The following FHIT variants were observed in gnomAD, a reference collection of about 807,000 sequenced individuals.
FHIT encodes fragile histidine triad diadenosine triphosphatase.
A neutral mutation model predicts 17.9 loss-of-function variants in FHIT; 19 were observed. The observed-to-expected ratio is 1.06, with a 90% CI of 0.74 to 1.56. The LOEUF (loss-of-function observed/expected upper bound fraction) is 1.56, where lower values mean the gene tolerates loss of function less well. FHIT is among the 40% of genes most tolerant of loss of function. The pLI is 0.00. For missense variants in FHIT, 248 were observed against 189.2 expected (o/e 1.31, Z -1.82); for synonymous variants, 81 against 69.7 (o/e 1.16, Z -0.81).
At chr3:60,877,481 C>T (rs965410116) in intron 3 of FHIT, among the ~76,000 whole-genome samples, 10 of 152,200 alleles carry the variant, frequency 6.6e-5, no homozygotes, top group Admixed American at 2.6e-4. Flanking sequence ...TGCTTCTCTC[C>T]GCTGCAACTG....
chr3:61,098,033 G>A (rs944672446), intron 2 of FHIT, among the ~76,000 whole-genome samples: 3 of 152,134 alleles, frequency 2.0e-5, no homozygotes, highest in African/African-American at 7.2e-5. Context: ...CTGTTCCTAT[G>A]TCCTTAATGG....
At chr3:60,241,245 T>A (rs536583930) in intron 5 of FHIT, among the ~76,000 whole-genome samples, 1 of 152,260 alleles carries the variant, frequency 6.6e-6, no homozygotes, top group African/African-American at 2.4e-5. Context: ...GAATTATCAT[T>A]CTTTATTAGA....
At chr3:60,774,204 G>A (rs1553723884) in intron 4 of FHIT, among the ~76,000 whole-genome samples, 2 of 152,180 alleles carry the variant, frequency 1.3e-5, no homozygotes, top group African/African-American at 4.8e-5. Flanking sequence ...CAGGGAATAT[G>A]TTCCAAGAAT....
chr3:60,608,791 T>C (rs1326440947), intron 4 of FHIT, among the ~76,000 whole-genome samples: 1 of 152,158 alleles, frequency 6.6e-6, no homozygotes, highest in Non-Finnish European at 1.5e-5. Flanking sequence ...GTCAAAGTCA[T>C]GTAAAGAGAG....
At chr3:60,257,613 T>C (rs1706066394) in intron 5 of FHIT, among the ~76,000 whole-genome samples, 1 of 152,040 alleles carries the variant, frequency 6.6e-6, no homozygotes, top group Non-Finnish European at 1.5e-5. Flanking sequence ...TTCACTGAAG[T>C]AGGGGAGCAG....
At chr3:60,983,670 C>T (rs1358157037) in intron 3 of FHIT, among the ~76,000 whole-genome samples, 1 of 152,146 alleles carries the variant, frequency 6.6e-6, no homozygotes, top group Admixed American at 6.5e-5. Flanking sequence ...GGCAAGCATA[C>T]AGATCTGGAG....
At chr3:60,453,429 T>G (rs926170547) in intron 5 of FHIT, among the ~76,000 whole-genome samples, 1 of 152,168 alleles carries the variant, frequency 6.6e-6, no homozygotes, top group African/African-American at 2.4e-5. Flanking sequence ...ATTCATTCTT[T>G]CCAATGCTCC....
chr3:60,578,055 A>G (rs754691894), intron 4 of FHIT, among the ~76,000 whole-genome samples: 19 of 152,260 alleles, frequency 1.2e-4, no homozygotes, highest in Non-Finnish European at 2.1e-4. Context: ...AAAATCATCA[A>G]CTTGTCTTCC....
At chr3:59,818,723 G>A (rs758680055) in intron 8 of FHIT, among the ~76,000 whole-genome samples, 14 of 152,314 alleles carry the variant, frequency 9.2e-5, no homozygotes, top group Middle Eastern at 6.8e-3. Flanking sequence ...CCGACTGCCA[G>A]CTCTCCTGGA....
intron 5 of FHIT, among the ~76,000 whole-genome samples, chr3:60,498,514 C>A (rs1223665396): frequency 6.6e-6 from 1 of 152,152 alleles, no homozygotes; most frequent in Admixed American, 6.5e-5. Flanking sequence ...ATACTCCCAA[C>A]ACAAATAATA....
intron 5 of FHIT, among the ~76,000 whole-genome samples, chr3:60,035,981 C>A (rs1701200753): frequency 6.6e-6 from 1 of 152,212 alleles, no homozygotes; most frequent in Non-Finnish European, 1.5e-5. Context: ...CCATCTCTGG[C>A]ACTCTGATAT....
chr3:60,366,966 T>C lies in FHIT; in HGVS notation c.103+169894A>G, dbSNP rs371642661. Among the ~76,000 whole-genome samples the C allele has an allele frequency of 3.1e-4, 47 of 152,322 alleles. No homozygotes were observed. The South Asian group carries it at 8.7e-3, about 28-fold the overall frequency. On this transcript the variant is annotated intron_variant, in intron 5 of 9. Transcript: ENST00000492590. The stretch of plus-strand genomic sequence containing the variant: ...TACCTATGCTAAGTGAAAATATCCA[T>C]CTGATAGATTCAACTTGAGATTCTA...
rs143377647 is a variant in FHIT at position 59,748,966 on chromosome 3, G to A, written c.*619C>T. Among the ~76,000 whole-genome samples the A allele has an allele frequency of 1.1e-3, 173 of 152,238 alleles. No homozygotes were observed. Among genetic ancestry groups the A allele is most frequent in the African/African-American group, 3.9e-3 (164 of 41,546 alleles). On this transcript the variant is annotated 3_prime_UTR_variant, in exon 10 of 10. Transcript: ENST00000492590. Reference sequence around the variant, plus strand: ...TGAGAATTGTGCAGTTTTGCAGAGTGAGCACCATGAATGTCTTTAAACTTG... The same window carrying A: ...TGAGAATTGTGCAGTTTTGCAGAGTAAGCACCATGAATGTCTTTAAACTTG...
intron 3 of FHIT, among the ~76,000 whole-genome samples, chr3:60,954,121 T>C (rs1438474333): frequency 1.3e-5 from 2 of 152,178 alleles, no homozygotes; most frequent in African/African-American, 4.8e-5. Flanking sequence ...CAATCTATAA[T>C]GACTCAAGCC....
intron 4 of FHIT, among the ~76,000 whole-genome samples, chr3:60,791,170 A>G (rs1700764604): frequency 6.6e-6 from 1 of 152,126 alleles, no homozygotes; most frequent in Non-Finnish European, 1.5e-5. Flanking sequence ...CTGGCCCCTT[A>G]TCTTTCACCC....
intron 3 of FHIT, among the ~76,000 whole-genome samples, chr3:60,890,219 T>G (rs1553760333): frequency 3.3e-5 from 1 of 30,704 alleles, no homozygotes; most frequent in Non-Finnish European, 6.1e-5. Context: ...GCTTCCATGA[T>G]GTAAAAAAAA....
chr3:60,202,914 G>T (rs1702981681), intron 5 of FHIT, among the ~76,000 whole-genome samples: 1 of 151,916 alleles, frequency 6.6e-6, no homozygotes, highest in Non-Finnish European at 1.5e-5. Context: ...GCCCTACTTT[G>T]TCTATGACCT....
chr3:60,522,787 T>C (rs145456006), intron 5 of FHIT, among the ~76,000 whole-genome samples: 3 of 152,338 alleles, frequency 2.0e-5, no homozygotes, highest in African/African-American at 7.2e-5. Context: ...AGCCTATTTT[T>C]ACCTCAAGAA....
chr3:60,955,264 A>C (rs940322296), intron 3 of FHIT, among the ~76,000 whole-genome samples: 2 of 152,160 alleles, frequency 1.3e-5, no homozygotes, highest in Admixed American at 6.5e-5. Context: ...AACCACAGGA[A>C]TAAATCTTAG....
Sources: allele counts gnomAD v4.1 joint callset (sites outside exome capture counted in the v4.1 genomes callset), GRCh38; gene constraint gnomAD v4.1.1; transcripts MANE v1.5; gene names NCBI Gene and HGNC (gene_info 2026-07-23, HGNC 2026-07-21).